DNER: variants seen among roughly 807,000 people sequenced by gnomAD.
The protein encoded by DNER is delta and Notch-like epidermal growth factor-related receptor.
DNER carries 33 observed loss-of-function variants against 78.2 expected under a neutral mutation model. The observed-to-expected ratio is 0.42, with a 90% CI of 0.32 to 0.56. The LOEUF (loss-of-function observed/expected upper bound fraction) is 0.56, where lower values mean the gene tolerates loss of function less well. Ranked by LOEUF, DNER falls within the 20% of genes least tolerant of loss-of-function variation. The pLI, the probability that DNER is intolerant of heterozygous loss-of-function variation, is 0.11. For missense variants in DNER, 918 were observed against 975.3 expected (o/e 0.94, Z 0.78); for synonymous variants, 417 against 384.8 (o/e 1.08, Z -0.98).
At chr2:229,498,954 A>G (rs1163782775) in intron 6 of DNER, among the ~76,000 whole-genome samples, 1 of 152,214 alleles carries the variant, frequency 6.6e-6, no homozygotes, top group African/African-American at 2.4e-5. Flanking sequence ...AATAGCTAAA[A>G]TCAATCTTGA....
intron 6 of DNER, among the ~76,000 whole-genome samples, chr2:229,484,827 T>C (rs1414170275): frequency 6.6e-6 from 1 of 152,236 alleles, no homozygotes; most frequent in Non-Finnish European, 1.5e-5. Context: ...TCCTTCAGAC[T>C]ATAAACCTTT....
Position 229,547,027 on chromosome 2 carries a change from T to C in DNER, c.913A>G (p.Ser305Gly), listed in dbSNP as rs755765314. 3.1e-6 allele frequency: 5 copies of C among 1,614,104 alleles called. No homozygotes were observed. In the South Asian group the frequency reaches 3.3e-5, roughly 11 times the overall value. ...TGACTCTCCCCCGGCACACAGGTGC[T>C]GACCTTCACCACCAGAGTTAAGCGC... ...ALRLTLVVKV[S>G]TCVPGESHAN... is the part of the protein sequence containing the mutation. Residue 305 changes from serine to glycine, a missense_variant, in exon 5 of 13, where the codon AGC (serine) becomes GGC (glycine). Transcript: ENST00000341772.
At chr2:229,687,419 A>G (rs1298183781) in intron 1 of DNER, among the ~76,000 whole-genome samples, 2 of 151,812 alleles carry the variant, frequency 1.3e-5, no homozygotes, top group South Asian at 2.1e-4. Flanking sequence ...GTCTACCACC[A>G]CACCCAGCTA....
intron 1 of DNER, among the ~76,000 whole-genome samples, chr2:229,675,683 G>T (rs566767845): frequency 6.6e-6 from 1 of 152,294 alleles, no homozygotes; most frequent in East Asian, 1.9e-4. Context: ...AAGAGGAAAT[G>T]ACCCACAGGC....
At chr2:229,592,676 T>TAGCG (rs1559176362) in intron 1 of DNER, among the ~76,000 whole-genome samples, 2,397 of 152,258 alleles carry the variant, frequency 0.016, 66 homozygotes, top group African/African-American at 0.055. Flanking sequence ...GTGTTGGTAG[T>TAGCG]TGCAGACACG....
intron 1 of DNER, among the ~76,000 whole-genome samples, chr2:229,625,815 T>C (rs1266180902): frequency 6.6e-6 from 1 of 152,132 alleles, no homozygotes; most frequent in Non-Finnish European, 1.5e-5. Flanking sequence ...CCAGTTTGGC[T>C]AGACTGGAGG....
intron 12 of DNER, among the ~76,000 whole-genome samples, chr2:229,365,325 C>T (rs1418015783): frequency 1.3e-5 from 2 of 152,150 alleles, no homozygotes; most frequent in East Asian, 1.9e-4. Context: ...TCAACCTCTA[C>T]GGGCCTGCCC....
Position 229,588,423 on chromosome 2 carries a change from G to T in DNER, c.651C>A (p.Ser217=), listed in dbSNP as rs773713265. The T allele has an allele frequency of 1.2e-6, 2 of 1,613,034 alleles. No homozygotes were observed. Among genetic ancestry groups the T allele is most frequent in the Admixed American group, 3.3e-5 (2 of 59,968 alleles). ...SNSSAGGRLV[S]FEVPQNTSVK... ...CTGAGGTGTTCTGTGGCACTTCAAA[G>T]GATACCAGGCGGCCACCCGCAGAGC... Residue 217 remains serine, a synonymous_variant, in exon 3 of 13, where the codon TCC becomes TCA. Transcript: ENST00000341772.
chr2:229,587,217 A>T (rs1485056302), intron 3 of DNER: 1 of 156,524 alleles, frequency 6.4e-6, no homozygotes, highest in East Asian at 1.9e-4. Context: ...TGCTCCTAAA[A>T]CTAGCCCAGG....
At chr2:229,445,858 C>T (rs1574846584) in intron 8 of DNER, among the ~76,000 whole-genome samples, 1 of 152,222 alleles carries the variant, frequency 6.6e-6, no homozygotes, top group Non-Finnish European at 1.5e-5. Flanking sequence ...GCCCTATTCC[C>T]TCTGAATGTC....
chr2:229,686,015 T>A (rs1699476433), intron 1 of DNER, among the ~76,000 whole-genome samples: 2 of 152,080 alleles, frequency 1.3e-5, no homozygotes, highest in Admixed American at 6.5e-5. Context: ...GCAAAGGGCC[T>A]GAGGCAGAAA....
chr2:229,671,370 C>A (rs1167789351), intron 1 of DNER, among the ~76,000 whole-genome samples: 2 of 152,230 alleles, frequency 1.3e-5, no homozygotes, highest in Non-Finnish European at 2.9e-5. Flanking sequence ...TCCTCCAAAT[C>A]TCCTCTAGCT....
At chr2:229,453,619 A>C (rs1280812330) in intron 7 of DNER, among the ~76,000 whole-genome samples, 2 of 152,184 alleles carry the variant, frequency 1.3e-5, no homozygotes, top group African/African-American at 4.8e-5. Flanking sequence ...AACCAAGAGC[A>C]TGTCTCATTG....
Position 229,567,359 on chromosome 2 carries a change from T to A in DNER, c.847+18499A>T, listed in dbSNP as rs181861457. Among the ~76,000 whole-genome samples the A allele has an allele frequency of 3.6e-4, 55 of 152,290 alleles. 2 individuals carry two copies. The East Asian group carries it at 9.7e-3, about 27-fold the overall frequency. ...TCACCAGCTCCAAGCAGGTGCCTAGTGCACAGTAGGCACTCAGAAAACATT... is the reference window on the plus strand; with the variant it reads ...TCACCAGCTCCAAGCAGGTGCCTAGAGCACAGTAGGCACTCAGAAAACATT... On this transcript the variant is annotated intron_variant, in intron 4 of 12. Transcript: ENST00000341772.
At chr2:229,427,903 C>T (rs954805882) in intron 8 of DNER, among the ~76,000 whole-genome samples, 1 of 151,806 alleles carries the variant, frequency 6.6e-6, no homozygotes, top group Non-Finnish European at 1.5e-5. Context: ...GGTGAAATCT[C>T]GTCTCTACTA....
At chr2:229,419,465 T>G (rs1693719459) in intron 8 of DNER, among the ~76,000 whole-genome samples, 1 of 152,216 alleles carries the variant, frequency 6.6e-6, no homozygotes, top group Non-Finnish European at 1.5e-5. Context: ...CTACTAGCTT[T>G]TCCCTAGCCT....
chr2:229,572,158 G>T (rs925248113), intron 4 of DNER, among the ~76,000 whole-genome samples: 1 of 152,040 alleles, frequency 6.6e-6, no homozygotes, highest in Non-Finnish European at 1.5e-5. Context: ...TACTCACACC[G>T]TTCCCCTTTA....
intron 1 of DNER, among the ~76,000 whole-genome samples, chr2:229,677,492 G>A (rs1366757788): frequency 6.6e-6 from 1 of 152,222 alleles, no homozygotes; most frequent in Non-Finnish European, 1.5e-5. Flanking sequence ...AAGTGAAAGA[G>A]GGAAGGAGTA....
intron 12 of DNER, among the ~76,000 whole-genome samples, chr2:229,364,364 C>T (rs1692291782): frequency 6.6e-6 from 1 of 152,090 alleles, no homozygotes; most frequent in South Asian, 2.1e-4. Context: ...CTACTACCTG[C>T]CAGGACCCAC....
Sources: allele counts gnomAD v4.1 joint callset (sites outside exome capture counted in the v4.1 genomes callset), GRCh38; gene constraint gnomAD v4.1.1; transcripts MANE v1.5; gene names NCBI Gene and HGNC (gene_info 2026-07-23, HGNC 2026-07-21).